The following SNX29 variants were observed in gnomAD, a reference collection of about 807,000 sequenced individuals.
SNX29 encodes the protein sorting nexin-29.
Under a neutral mutation model 102.1 loss-of-function variants are expected in SNX29, and 78 were observed. The ratio of observed to expected loss-of-function variants is 0.76; its 90% confidence interval spans 0.64 to 0.92. The LOEUF (loss-of-function observed/expected upper bound fraction) is 0.92. SNX29 is among the 40% of genes least tolerant of loss of function. The pLI, the probability that SNX29 is intolerant of heterozygous loss-of-function variation, is 0.00. For missense variants in SNX29, 1,280 were observed against 1,061.7 expected, an observed-to-expected ratio of 1.21 and a Z score of -2.86; for synonymous variants, 580 against 414.5, an observed-to-expected ratio of 1.40 and a Z score of -4.85.
At chr16:12,512,686 G>T (rs1246811707) in intron 19 of SNX29, among the ~76,000 whole-genome samples, 1 of 152,014 alleles carries the variant, frequency 6.6e-6, no homozygotes, top group African/African-American at 2.4e-5. Context: ...ATGGAGGCTG[G>T]AGTACGTGCA....
chr16:12,462,763 GCCTGCTCTA>G (rs1372517123), intron 18 of SNX29, among the ~76,000 whole-genome samples: 1 of 152,210 alleles, frequency 6.6e-6, no homozygotes, highest in Non-Finnish European at 1.5e-5. Flanking sequence ...AGAAGCAGAA[GCCTGCTCTA>G]CCTTCACAGG....
intron 16 of SNX29, among the ~76,000 whole-genome samples, chr16:12,379,852 A>T (rs191787536): frequency 6.6e-6 from 1 of 152,216 alleles, no homozygotes; most frequent in Middle Eastern, 3.4e-3. Context: ...AGCAGTGATG[A>T]GACTGTTGTT....
At chr16:12,044,303 C>G (rs1474970874) in intron 5 of SNX29, among the ~76,000 whole-genome samples, 1 of 152,190 alleles carries the variant, frequency 6.6e-6, no homozygotes, top group Non-Finnish European at 1.5e-5. Flanking sequence ...TCTGCTTTAT[C>G]TACTGCTGTG....
intron 14 of SNX29, among the ~76,000 whole-genome samples, chr16:12,243,943 AG>A (rs1339189330): frequency 1.3e-5 from 2 of 152,172 alleles, no homozygotes; most frequent in African/African-American, 4.8e-5. Context: ...GCTCTGGTAG[AG>A]GTTAGGTTCT....
At chr16:12,543,227 G>C (rs530758448) in intron 20 of SNX29, among the ~76,000 whole-genome samples, 3 of 152,166 alleles carry the variant, frequency 2.0e-5, no homozygotes, top group Admixed American at 2.0e-4. Context: ...TAGCTGTAGC[G>C]GAAATTCTAG....
intron 19 of SNX29, among the ~76,000 whole-genome samples, chr16:12,496,351 G>A (rs543426327): frequency 1.2e-4 from 18 of 152,102 alleles, no homozygotes; most frequent in Middle Eastern, 6.8e-3. Context: ...CAGGGTACAC[G>A]GCCTCCCCAG....
chr16:12,563,558 T>TA (rs2078851393), intron 20 of SNX29, among the ~76,000 whole-genome samples: 4 of 152,332 alleles, frequency 2.6e-5, no homozygotes, highest in South Asian at 2.1e-4. Context: ...CTGAGGGGTC[T>TA]ACCCCACCCC....
intron 16 of SNX29, among the ~76,000 whole-genome samples, chr16:12,358,349 C>A (rs1468582015): frequency 1.3e-5 from 2 of 152,172 alleles, no homozygotes; most frequent in Non-Finnish European, 2.9e-5. Flanking sequence ...AAGGGCAGAT[C>A]ACTTGAGATC....
At chr16:12,352,905 A>G (rs1478538356) in intron 15 of SNX29, among the ~76,000 whole-genome samples, 2 of 152,186 alleles carry the variant, frequency 1.3e-5, no homozygotes, top group African/African-American at 2.4e-5. Flanking sequence ...ACAACTGAGG[A>G]TAGAAGGAAG....
intron 4 of SNX29, among the ~76,000 whole-genome samples, chr16:12,041,268 T>C (rs540006183): frequency 1.3e-5 from 2 of 152,240 alleles, no homozygotes; most frequent in African/African-American, 4.8e-5. Flanking sequence ...CCTGCCACCA[T>C]GCCTGGCTCA....
At chr16:12,533,610 C>G (rs1048588808) in intron 20 of SNX29, among the ~76,000 whole-genome samples, 2 of 152,154 alleles carry the variant, frequency 1.3e-5, no homozygotes, top group East Asian at 3.9e-4. Context: ...AGACACCCCG[C>G]TACCTGGACT....
chr16:12,544,592 T>A (rs1373125437), intron 20 of SNX29, among the ~76,000 whole-genome samples: 3 of 152,238 alleles, frequency 2.0e-5, no homozygotes, highest in African/African-American at 7.2e-5. Flanking sequence ...CATTTCTTAA[T>A]GAGTTGTCAC....
intron 15 of SNX29, among the ~76,000 whole-genome samples, chr16:12,302,993 C>G (rs796340666): frequency 1.3e-5 from 2 of 152,250 alleles, no homozygotes; most frequent in African/African-American, 4.8e-5. Context: ...AACACCTGCC[C>G]AAAGGTCATG....
At chr16:12,178,419 A>G (rs865870550) in intron 13 of SNX29, among the ~76,000 whole-genome samples, 2 of 152,226 alleles carry the variant, frequency 1.3e-5, no homozygotes, top group Middle Eastern at 3.4e-3. Context: ...TTTCTGTTCC[A>G]TGGAATGCAA....
intron 18 of SNX29, among the ~76,000 whole-genome samples, chr16:12,467,227 A>C (rs1180130479): frequency 2.6e-5 from 4 of 152,204 alleles, no homozygotes; most frequent in Non-Finnish European, 5.9e-5. Flanking sequence ...ACCATGGTCC[A>C]TGGCCAGTAG....
chr16:12,471,231 C>G (rs2087325396), intron 18 of SNX29, among the ~76,000 whole-genome samples: 2 of 152,192 alleles, frequency 1.3e-5, no homozygotes, highest in Admixed American at 6.5e-5. Flanking sequence ...CCCACATCTT[C>G]TTTTCCACCC....
chr16:12,043,383 C>G (rs1334875408), intron 5 of SNX29, among the ~76,000 whole-genome samples: 1 of 149,998 alleles, frequency 6.7e-6, no homozygotes, highest in Non-Finnish European at 1.5e-5. Flanking sequence ...AAGACAGGGT[C>G]TTGCTTTGTT....
intron 15 of SNX29, among the ~76,000 whole-genome samples, chr16:12,308,682 A>G (rs973699592): frequency 6.6e-6 from 1 of 152,192 alleles, no homozygotes; most frequent in East Asian, 1.9e-4. Context: ...TGCCTGTGTA[A>G]TATTTTCTAC....
intron 20 of SNX29, among the ~76,000 whole-genome samples, chr16:12,538,519 A>G (rs1371307650): frequency 3.3e-5 from 5 of 152,186 alleles, no homozygotes; most frequent in African/African-American, 4.8e-5. Flanking sequence ...ATGTGATAAC[A>G]TATTGCTTAT....
Sources: gnomAD v4.1 joint callset for allele counts (sites outside exome capture counted in the v4.1 genomes callset) on GRCh38, gnomAD v4.1.1 for gene constraint, MANE v1.5 for transcripts, NCBI Gene and HGNC (gene_info 2026-07-23, HGNC 2026-07-21) for gene names.